GNAZ: variants seen among roughly 807,000 people sequenced by gnomAD.
The protein encoded by GNAZ is guanine nucleotide-binding protein G(z) subunit alpha.
GNAZ carries 3 observed loss-of-function variants against 25.4 expected under a neutral mutation model. That is an observed-to-expected ratio of 0.12 (90% CI 0.05 to 0.30). GNAZ has a LOEUF of 0.30. Ranked by LOEUF, GNAZ falls within the 10% of genes least tolerant of loss-of-function variation. The probability of loss-of-function intolerance (pLI) is 1.00; values close to 1 mark genes in which losing one functional copy is unlikely to be tolerated. For missense variants in GNAZ, 241 were observed against 501.8 expected (o/e 0.48, Z 4.97); for synonymous variants, 211 against 205.7 (o/e 1.03, Z -0.22).
Position 23,124,026 on chromosome 22 carries a change from G to A in GNAZ, c.*595G>A. The A allele has an allele frequency of 4.3e-6, 1 of 232,224 alleles. No homozygotes were observed. The highest frequency in any genetic ancestry group is 8.7e-6 in the Non-Finnish European group (1 of 114,826). 14.4% of individuals were successfully genotyped at this position (232,224 alleles called of 1,614,324 possible). On this transcript the variant is annotated 3_prime_UTR_variant, in exon 3 of 3. Transcript: ENST00000615612. ...GGTGACAGCACTAACCAGACCTCCA[G>A]CCACTCACAGCTCTTTTTAAAAAAC...
intron 2 of GNAZ, among the ~76,000 whole-genome samples, chr22:23,104,108 G>C (rs1449614349): frequency 6.6e-6 from 1 of 152,028 alleles, no homozygotes; most frequent in Non-Finnish European, 1.5e-5. Flanking sequence ...TCAAGGCTGT[G>C]GGGGAGCAGT....
At chr22:23,081,921 C>T (rs1166188899) in intron 1 of GNAZ, among the ~76,000 whole-genome samples, 12 of 149,916 alleles carry the variant, frequency 8.0e-5, no homozygotes, top group Non-Finnish European at 1.3e-4. Context: ...GTCAGGAGAT[C>T]GAGACCATCC....
At chr22:23,111,320 G>A (rs566184792) in intron 2 of GNAZ, among the ~76,000 whole-genome samples, 66 of 152,344 alleles carry the variant, frequency 4.3e-4, no homozygotes, top group African/African-American at 1.4e-3. Flanking sequence ...AGCAGGGGGT[G>A]CGGCCACAAA....
Position 23,123,599 on chromosome 22 carries a change from T to A in GNAZ, c.*168T>A. On this transcript the variant is annotated 3_prime_UTR_variant, in exon 3 of 3. Transcript: ENST00000615612. ...CCCACATTTCTGCAAACATAAATAT[T>A]TACGGATAGATTGCTAGGTAGATAG... 1 of 601,358 alleles carries A rather than the reference T, an allele frequency of 1.7e-6. No individual in the cohort carries two copies. 37.3% of individuals were successfully genotyped at this position (601,358 alleles called of 1,614,324 possible).
At chr22:23,111,028 G>T (rs550435534) in intron 2 of GNAZ, among the ~76,000 whole-genome samples, 16 of 152,332 alleles carry the variant, frequency 1.1e-4, no homozygotes, top group African/African-American at 3.4e-4. Context: ...TTCGAATGAG[G>T]GGGTAGGATA....
intron 1 of GNAZ, among the ~76,000 whole-genome samples, chr22:23,085,893 C>G (rs186351524): frequency 9.8e-5 from 15 of 152,370 alleles, no homozygotes; most frequent in Non-Finnish European, 2.2e-4. Flanking sequence ...CTCTCTCAAT[C>G]CTTCTCCTTC....
chr22:23,071,603 G>T lies in GNAZ; in HGVS notation c.-450+1033G>T, dbSNP rs2068377753. ...GTCACTCCCCCAGAGCTTGACGCTG[G>T]GGTGCACCGGGTGGGAGTGGACTGG... On this transcript the variant is annotated intron_variant, in intron 1 of 2. Transcript: ENST00000615612. This position sits in a 1 kb window ranked among gnomAD's most constrained non-coding sequence, Gnocchi z 4.1. Among the ~76,000 whole-genome samples, 1 of 152,202 alleles carries T rather than the reference G, an allele frequency of 6.6e-6. No homozygotes were observed. The highest frequency in any genetic ancestry group is 2.4e-5 in the African/African-American group (1 of 41,452).
At chr22:23,120,620 CAGAG>C (rs2069990597) in intron 2 of GNAZ, among the ~76,000 whole-genome samples, 1 of 152,176 alleles carries the variant, frequency 6.6e-6, no homozygotes, top group Non-Finnish European at 1.5e-5. Context: ...CATCAGGGCT[CAGAG>C]AGGCAGACCC....
At chr22:23,092,140 G>A (rs5751583) in intron 1 of GNAZ, among the ~76,000 whole-genome samples, 12,261 of 152,168 alleles carry the variant, frequency 0.081, 1,269 homozygotes, top group East Asian at 0.53. Flanking sequence ...CTTGGCCTTT[G>A]TCTCTTGGCC....
intron 1 of GNAZ, among the ~76,000 whole-genome samples, chr22:23,088,349 G>A (rs1041767661): frequency 6.6e-6 from 1 of 152,192 alleles, no homozygotes; most frequent in African/African-American, 2.4e-5. Context: ...ATCCTTGTGT[G>A]AGGAAGGGCC....
intron 2 of GNAZ, among the ~76,000 whole-genome samples, chr22:23,112,464 G>A (rs759077146): frequency 4.6e-5 from 7 of 152,134 alleles, no homozygotes; most frequent in Non-Finnish European, 1.0e-4. Context: ...GGTGCAGCCA[G>A]GAGGCCAGAT....
At chr22:23,093,219 T>A (rs528649040) in intron 1 of GNAZ, among the ~76,000 whole-genome samples, 3 of 152,380 alleles carry the variant, frequency 2.0e-5, no homozygotes, top group East Asian at 3.9e-4. Context: ...TCACTGGGAT[T>A]GGGCTGAGTG....
chr22:23,092,780 T>C (rs933744293), intron 1 of GNAZ, among the ~76,000 whole-genome samples: 3 of 152,132 alleles, frequency 2.0e-5, no homozygotes, highest in Admixed American at 6.5e-5. Flanking sequence ...AAATCACACA[T>C]CCTTGGACAG....
Position 23,087,147 on chromosome 22 carries a change from A to C in GNAZ, c.-449-8100A>C, listed in dbSNP as rs543415908. 1.8e-3 allele frequency among the ~76,000 whole-genome samples: 270 copies of C among 152,326 alleles called. 2 individuals are homozygous for C. The highest frequency in any genetic ancestry group is 3.2e-3 in the Non-Finnish European group (216 of 68,026). ...GAGCTGATGTAGGGACGGCGGCTCC[A>C]GAGTTGGGGGCAGCACCCACTCTTT... On this transcript the variant is annotated intron_variant, in intron 1 of 2. Transcript: ENST00000615612.
In GNAZ at chr22:23,077,110, G is replaced by A. The variant is rs567023548; in HGVS notation, c.-450+6540G>A. On this transcript the variant is annotated intron_variant, in intron 1 of 2. Transcript: ENST00000615612. ...GGTCGATTAGTGATGTCTGCAGCGG[G>A]CACGGGAGGCAGGATTTAGATGAGC... Among the ~76,000 whole-genome samples the A allele has an allele frequency of 1.3e-4, 20 of 152,282 alleles. No homozygotes were observed. In the East Asian group the frequency reaches 3.3e-3, roughly 25 times the overall value.
chr22:23,123,624 GAC>G lies in GNAZ; in HGVS notation c.*203_*204del, dbSNP rs1354542229. ...TTACGGATAGATTGCTAGGTAGATA[GAC>G]ACACACACATGCACACACACACATC... On this transcript the variant is annotated 3_prime_UTR_variant, in exon 3 of 3. Transcript: ENST00000615612. 5 of 594,898 alleles carry G rather than the reference GAC, an allele frequency of 8.4e-6. No individual in the cohort carries two copies. Among genetic ancestry groups the G allele is most frequent in the East Asian group, 5.5e-5 (2 of 36,106 alleles). 36.9% of individuals were successfully genotyped at this position (594,898 alleles called of 1,614,324 possible). A position where few individuals can be genotyped will look rare whatever the true frequency, so the allele number is the denominator to read the frequency against.
At chr22:23,079,075 T>G (rs2068596856) in intron 1 of GNAZ, among the ~76,000 whole-genome samples, 1 of 152,180 alleles carries the variant, frequency 6.6e-6, no homozygotes. Flanking sequence ...TGGTGCTAGG[T>G]CCATGTGGGC....
intron 2 of GNAZ, among the ~76,000 whole-genome samples, chr22:23,104,294 G>A (rs990269230): frequency 3.3e-5 from 5 of 152,152 alleles, no homozygotes; most frequent in East Asian, 1.9e-4. Context: ...GGTGGGTGTC[G>A]CTGCCTGAGC....
chr22:23,094,148 G>A (rs1329009869), intron 1 of GNAZ, among the ~76,000 whole-genome samples: 1 of 152,166 alleles, frequency 6.6e-6, no homozygotes, highest in Admixed American at 6.5e-5. Context: ...TGGTATTAAA[G>A]GGGCGAATGC....
Sources: gnomAD v4.1 joint callset for allele counts (sites outside exome capture counted in the v4.1 genomes callset) on GRCh38, gnomAD v4.1.1 for gene constraint, Gnocchi (gnomAD v3.1) non-coding constraint, MANE v1.5 for transcripts, NCBI Gene and HGNC (gene_info 2026-07-23, HGNC 2026-07-21) for gene names.